Variants in ERBB4 observed in about 807,000 individuals in gnomAD.
ERBB4 encodes receptor tyrosine-protein kinase erbB-4.
Under a neutral mutation model 158.0 loss-of-function variants are expected in ERBB4, and 42 were observed. The observed-to-expected ratio is 0.27, with a 90% CI of 0.21 to 0.34. ERBB4 has a LOEUF of 0.34. Ranked by LOEUF, ERBB4 falls within the 10% of genes least tolerant of loss-of-function variation. The pLI, the probability that ERBB4 is intolerant of heterozygous loss-of-function variation, is 1.00. For missense variants in ERBB4, 1,333 were observed against 1,624.1 expected (o/e 0.82, Z 3.08); for synonymous variants, 583 against 558.7 (o/e 1.04, Z -0.61).
At chr2:211,520,555 G>A (rs752360336) in intron 20 of ERBB4, among the ~76,000 whole-genome samples, 2 of 152,066 alleles carry the variant, frequency 1.3e-5, no homozygotes, top group African/African-American at 4.8e-5. Flanking sequence ...ACTAGTGATC[G>A]TATATGGACC....
chr2:211,601,386 T>C (rs2068794832), intron 19 of ERBB4, among the ~76,000 whole-genome samples: 1 of 151,770 alleles, frequency 6.6e-6, no homozygotes, highest in South Asian at 2.1e-4. Context: ...AAAGATGCCA[T>C]GGGATTGGGG....
At chr2:212,150,085 G>C (rs898475948) in intron 1 of ERBB4, among the ~76,000 whole-genome samples, 16 of 152,116 alleles carry the variant, frequency 1.1e-4, no homozygotes, top group Middle Eastern at 6.3e-3. Context: ...CATTTCCTAA[G>C]GTTATTGTAA....
intron 25 of ERBB4, among the ~76,000 whole-genome samples, chr2:211,411,968 A>G (rs1559140774): frequency 6.6e-6 from 1 of 152,202 alleles, no homozygotes; most frequent in Non-Finnish European, 1.5e-5. Flanking sequence ...AAAAATAAAA[A>G]ATAAAACTAA....
At chr2:212,461,500 C>A (rs1411140793) in intron 1 of ERBB4, among the ~76,000 whole-genome samples, 1 of 152,150 alleles carries the variant, frequency 6.6e-6, no homozygotes, top group African/African-American at 2.4e-5. Flanking sequence ...TGTATATACC[C>A]AATGTTTGTA....
intron 20 of ERBB4, among the ~76,000 whole-genome samples, chr2:211,500,780 A>G (rs1213753827): frequency 6.6e-6 from 1 of 152,000 alleles, no homozygotes; most frequent in African/African-American, 2.4e-5. Context: ...AATTTTGAGA[A>G]TGGTGTTTGT....
intron 4 of ERBB4, among the ~76,000 whole-genome samples, chr2:211,758,491 T>A (rs556670536): frequency 6.6e-6 from 1 of 152,352 alleles, no homozygotes; most frequent in Non-Finnish European, 1.5e-5. Flanking sequence ...TAATTATCAC[T>A]GTTTATAGCT....
intron 1 of ERBB4, among the ~76,000 whole-genome samples, chr2:212,245,398 A>C (rs544373354): frequency 1.1e-3 from 169 of 152,256 alleles, no homozygotes; most frequent in Middle Eastern, 3.4e-3. Flanking sequence ...TTTGAAAAAT[A>C]ATTTTGATAA....
chr2:212,357,806 T>C (rs935349507), intron 1 of ERBB4, among the ~76,000 whole-genome samples: 14 of 151,828 alleles, frequency 9.2e-5, no homozygotes, highest in Admixed American at 2.6e-4. Flanking sequence ...TGCAAGAATA[T>C]AGTAGGTAAA....
At chr2:212,219,190 G>T (rs1258521399) in intron 1 of ERBB4, among the ~76,000 whole-genome samples, 1 of 151,350 alleles carries the variant, frequency 6.6e-6, no homozygotes, top group Non-Finnish European at 1.5e-5. Context: ...AAGAAGTTAT[G>T]ATTTTAAAAA....
chr2:212,192,065 TTATA>T (rs748410463), intron 1 of ERBB4, among the ~76,000 whole-genome samples: 1 of 126,058 alleles, frequency 7.9e-6, no homozygotes, highest in African/African-American at 2.9e-5. Flanking sequence ...GTTATATATG[TTATA>T]TGTTATATAT....
intron 1 of ERBB4, among the ~76,000 whole-genome samples, chr2:212,203,026 C>T (rs1196089020): frequency 2.0e-5 from 3 of 151,720 alleles, no homozygotes; most frequent in African/African-American, 7.3e-5. Flanking sequence ...AATTGAACAT[C>T]TACAAGGTGC....
At chr2:212,152,621 A>G (rs912664721) in intron 1 of ERBB4, among the ~76,000 whole-genome samples, 3 of 152,100 alleles carry the variant, frequency 2.0e-5, no homozygotes, top group African/African-American at 7.2e-5. Flanking sequence ...CTTTCTTCAT[A>G]CTGATGATCC....
rs186017085 is a variant in ERBB4 at position 212,515,867 on chromosome 2, G to A, written c.82+22582C>T. On this transcript the variant is annotated intron_variant, in intron 1 of 27. Transcript: ENST00000342788. ...GGAAATCATAATTACCTGTAAAGAT[G>A]TAACTCAAAAGAGTTATCTCCAGCT... Among the ~76,000 whole-genome samples the A allele has an allele frequency of 1.1e-4, 16 of 152,010 alleles. 1 individual carries two copies. The East Asian group carries it at 2.7e-3, about 26-fold the overall frequency.
At chr2:211,752,523 G>A (rs2075163979) in intron 4 of ERBB4, among the ~76,000 whole-genome samples, 1 of 142,778 alleles carries the variant, frequency 7.0e-6, no homozygotes. Context: ...AAAGATAAAA[G>A]CAAATAGAAG....
At chr2:211,703,201 T>C (rs2073315735) in intron 11 of ERBB4, among the ~76,000 whole-genome samples, 1 of 152,126 alleles carries the variant, frequency 6.6e-6, no homozygotes, top group South Asian at 2.1e-4. Context: ...GTCCCCATCA[T>C]AACTATCTTG....
intron 3 of ERBB4, among the ~76,000 whole-genome samples, chr2:211,845,399 C>G (rs912980074): frequency 7.2e-5 from 11 of 152,040 alleles, no homozygotes; most frequent in African/African-American, 2.7e-4. Flanking sequence ...GATATTAACA[C>G]CTATAGAGGA....
chr2:212,102,567 A>T (rs1412163226), intron 2 of ERBB4, among the ~76,000 whole-genome samples: 1 of 152,056 alleles, frequency 6.6e-6, no homozygotes, highest in Non-Finnish European at 1.5e-5. Context: ...ATGTCGTGTG[A>T]TTTTTTAAAC....
intron 1 of ERBB4, among the ~76,000 whole-genome samples, chr2:212,292,858 A>G (rs2086259675): frequency 6.6e-6 from 1 of 152,152 alleles, no homozygotes; most frequent in African/African-American, 2.4e-5. Context: ...AAATGTATCT[A>G]AAATTCAACA....
rs749303338 is a variant in ERBB4, at chr2:212,280,956, G to C, written c.83-156053C>G. ...CCGAGGACTTGACACACTTGGTTTT[G>C]TACTGTCTATACTCCGTCTTTTGAC... On this transcript the variant is annotated intron_variant, in intron 1 of 27. Coordinates refer to ENST00000342788, the MANE Select transcript of ERBB4 (RefSeq NM_005235.3). 6.6e-5 allele frequency among the ~76,000 whole-genome samples: 10 copies of C among 151,584 alleles called. No homozygotes were observed. In the Admixed American group the frequency reaches 6.6e-4, roughly 10 times the overall value.
Sources: gnomAD v4.1 joint callset for allele counts (sites outside exome capture counted in the v4.1 genomes callset) on GRCh38, gnomAD v4.1.1 for gene constraint, MANE v1.5 for transcripts, NCBI Gene and HGNC (gene_info 2026-07-23, HGNC 2026-07-21) for gene names.